CDK15: variants seen among roughly 807,000 people sequenced by gnomAD.
CDK15 encodes the protein cyclin-dependent kinase 15.
CDK15 carries 62 observed loss-of-function variants against 60.3 expected under a neutral mutation model. The observed-to-expected ratio is 1.03, with a 90% CI of 0.84 to 1.27. CDK15 has a LOEUF of 1.27. CDK15 is among the 50% of genes most tolerant of loss of function. The probability of loss-of-function intolerance (pLI) is 0.00; values close to 1 mark genes in which losing one functional copy is unlikely to be tolerated. For synonymous variants in CDK15, 194 were observed against 195.7 expected, an observed-to-expected ratio of 0.99 and a Z score of 0.07; for missense variants, 541 against 527.8, an observed-to-expected ratio of 1.03 and a Z score of -0.25.
intron 10 of CDK15, among the ~76,000 whole-genome samples, chr2:201,859,345 G>C (rs1021910068): frequency 6.6e-6 from 1 of 152,252 alleles, no homozygotes; most frequent in Non-Finnish European, 1.5e-5. Flanking sequence ...CGAACCTCTA[G>C]AGACATTTTT....
intron 4 of CDK15, among the ~76,000 whole-genome samples, chr2:201,818,159 G>C (rs936455726): frequency 6.6e-6 from 1 of 152,128 alleles, no homozygotes; most frequent in African/African-American, 2.4e-5. Context: ...TGCCAGGCCT[G>C]TGCTAGTGCT....
chr2:201,891,022 C>T (rs910284782), intron 13 of CDK15, 95 bp downstream of exon 13: 4 of 643,934 alleles, frequency 6.2e-6, no homozygotes, highest in Non-Finnish European at 1.1e-5. Flanking sequence ...CAGAGCACCT[C>T]TGTGCTGTTT....
At chr2:201,834,014 T>C in intron 7 of CDK15, 43 bp downstream of exon 7, 1 of 1,601,328 alleles carries the variant, frequency 6.2e-7, no homozygotes, top group Non-Finnish European at 8.5e-7. Flanking sequence ...TGAACAATGA[T>C]GCTTTTGTGT....
At chr2:201,857,926 G>A (rs1358462496) in intron 10 of CDK15, among the ~76,000 whole-genome samples, 1 of 152,162 alleles carries the variant, frequency 6.6e-6, no homozygotes, top group African/African-American at 2.4e-5. Context: ...TGGGAGCCAG[G>A]AAAGTGTCAC....
intron 10 of CDK15, among the ~76,000 whole-genome samples, chr2:201,867,070 T>A (rs1056300436): frequency 6.6e-6 from 1 of 152,210 alleles, no homozygotes. Flanking sequence ...TTACGAGAAC[T>A]GAATTTTCCC....
chr2:201,859,283 T>G (rs1035870046), intron 10 of CDK15, among the ~76,000 whole-genome samples: 3 of 152,172 alleles, frequency 2.0e-5, no homozygotes, highest in Non-Finnish European at 4.4e-5. Context: ...AAATTGAATG[T>G]TGGTCTTGGC....
chr2:201,822,066 T>C (rs1184012488), intron 4 of CDK15, among the ~76,000 whole-genome samples: 1 of 152,184 alleles, frequency 6.6e-6, no homozygotes, highest in Non-Finnish European at 1.5e-5. Flanking sequence ...AAAGACACAC[T>C]TTCAAACCCC....
rs780424245 is a variant in CDK15, at chr2:201,895,406, T to G, written c.*2139T>G. On this transcript the variant is annotated 3_prime_UTR_variant, in exon 14 of 14. Transcript: ENST00000652192. ...AACATTATGCTTATGCATATGCATA[T>G]ACCTTATGCATATGATTATGCTTGT... The G allele has an allele frequency of 6.6e-5, 10 of 152,362 alleles. No individual in the cohort carries two copies. The highest frequency in any genetic ancestry group is 2.0e-4 in the Admixed American group (3 of 15,314). 9.4% of individuals were successfully genotyped at this position (152,362 alleles called of 1,614,324 possible). A position where few individuals can be genotyped will look rare whatever the true frequency, so the allele number is the denominator to read the frequency against.
At chr2:201,823,769 CAGA>C in intron 6 of CDK15, 42 bp downstream of exon 6, 1 of 1,551,800 alleles carries the variant, frequency 6.4e-7, no homozygotes, top group Non-Finnish European at 8.9e-7. Context: ...GGCTTGCCCA[CAGA>C]AGGAGAATTC....
At chr2:201,862,495 C>T (rs902771612) in intron 10 of CDK15, among the ~76,000 whole-genome samples, 2 of 152,180 alleles carry the variant, frequency 1.3e-5, no homozygotes, top group Non-Finnish European at 1.5e-5. Context: ...CCCTCTTGGA[C>T]TCTAAATAAT....
chr2:201,839,966 T>C (rs1448363986), intron 8 of CDK15, among the ~76,000 whole-genome samples: 1 of 142,084 alleles, frequency 7.0e-6, no homozygotes, highest in South Asian at 2.4e-4. Context: ...GCTGCTGGGG[T>C]TTTTTTTTTG....
chr2:201,860,173 A>G (rs946119711), intron 10 of CDK15, among the ~76,000 whole-genome samples: 8 of 152,334 alleles, frequency 5.3e-5, no homozygotes, highest in African/African-American at 1.2e-4. Flanking sequence ...AAATCCTAGC[A>G]TTAATGTACT....
intron 11 of CDK15, among the ~76,000 whole-genome samples, chr2:201,874,911 A>G (rs1559146205): frequency 6.6e-6 from 1 of 152,074 alleles, no homozygotes; most frequent in Non-Finnish European, 1.5e-5. Flanking sequence ...TCTAGGGGGA[A>G]AACCAAAGAA....
intron 7 of CDK15, among the ~76,000 whole-genome samples, chr2:201,835,192 C>T (rs1309304744): frequency 1.3e-5 from 2 of 152,174 alleles, no homozygotes; most frequent in African/African-American, 2.4e-5. Context: ...CCTAAGCAGG[C>T]AGAGCATGTA....
At chr2:201,847,794 C>T (rs1438347275) in intron 9 of CDK15, among the ~76,000 whole-genome samples, 1 of 152,156 alleles carries the variant, frequency 6.6e-6, no homozygotes, top group African/African-American at 2.4e-5. Context: ...ACCTTGCTAC[C>T]TCCAGTTCTA....
chr2:201,809,300 G>A (rs185124974), intron 3 of CDK15, among the ~76,000 whole-genome samples: 78 of 152,224 alleles, frequency 5.1e-4, no homozygotes, highest in African/African-American at 1.8e-3. Context: ...TTTCCAGCCC[G>A]AAGTTTACAC....
At position 201,822,853 on chromosome 2, in the gene CDK15, C is replaced by A; in HGVS notation, c.493C>A (p.His165Asn). 1 of 1,613,330 alleles carries A rather than the reference C, an allele frequency of 6.2e-7. No individual in the cohort carries two copies. The highest frequency in any genetic ancestry group is 8.5e-7 in the Non-Finnish European group (1 of 1,179,362). Residue 165 changes from histidine (H) to asparagine (N), a missense_variant, in exon 5 of 14, where the codon CAT becomes AAT. By Grantham distance (68) the His-to-Asn change is moderately conservative (BLOSUM62 1). Coordinates refer to ENST00000652192, the MANE Select transcript of CDK15 (RefSeq NM_001366386.2). ...GAAACATGCCAATATTGTGCTCCTG[C>A]ATGACATAATCCACACCAAAGAGAC... is the stretch of plus-strand genomic sequence containing the variant. ...GLKHANIVLL[H>N]DIIHTKETLT...
chr2:201,825,711 A>C (rs796254130), intron 6 of CDK15, among the ~76,000 whole-genome samples: 1 of 152,178 alleles, frequency 6.6e-6, no homozygotes. Context: ...AGTTGGATTG[A>C]GTCAGAGTTG....
At chr2:201,866,323 A>C (rs1229471320) in intron 10 of CDK15, among the ~76,000 whole-genome samples, 1 of 152,108 alleles carries the variant, frequency 6.6e-6, no homozygotes, top group Non-Finnish European at 1.5e-5. Flanking sequence ...GTGATGTTTT[A>C]CTAAATCAAT....
Sources: gnomAD v4.1 joint callset for allele counts (sites outside exome capture counted in the v4.1 genomes callset) on GRCh38, gnomAD v4.1.1 for gene constraint, MANE v1.5 for transcripts, NCBI Gene and HGNC (gene_info 2026-07-23, HGNC 2026-07-21) for gene names.